BRAF: variants seen among roughly 807,000 people sequenced by gnomAD.
BRAF encodes serine/threonine-protein kinase B-raf.
A neutral mutation model predicts 104.6 loss-of-function variants in BRAF; 16 were observed. The ratio of observed to expected loss-of-function variants is 0.15; its 90% confidence interval spans 0.10 to 0.23. The LOEUF (loss-of-function observed/expected upper bound fraction) is 0.23, where lower values mean the gene tolerates loss of function less well. Among genes scored for constraint, BRAF ranks in the 10% least tolerant of loss-of-function variants. The pLI is 1.00. For missense variants in BRAF, 541 were observed against 937.3 expected, an observed-to-expected ratio of 0.58 and a Z score of 5.52; for synonymous variants, 310 against 341.6, an observed-to-expected ratio of 0.91 and a Z score of 1.02.
In BRAF at chr7:140,725,666, CTG is replaced by C. The variant is rs1795559363; in HGVS notation, c.*826_*827del. ...GAAGAGCATAGGAGGAAGATATAAACTGTATTTCCTGAGAATTTGCTACATTG... is the reference window on the plus strand; with the variant it reads ...GAAGAGCATAGGAGGAAGATATAAACTATTTCCTGAGAATTTGCTACATTG... On this transcript the variant is annotated 3_prime_UTR_variant, in exon 20 of 20. Transcript: ENST00000644969. 9.4e-7 allele frequency: 1 copy of C among 1,058,260 alleles called. No homozygotes were observed. Among genetic ancestry groups the C allele is most frequent in the African/African-American group, 1.7e-5 (1 of 60,482 alleles). The allele number at this position is 1,058,260 out of a possible 1,614,324, so 65.6% of individuals were successfully genotyped here. A position where few individuals can be genotyped will look rare whatever the true frequency, so the allele number is the denominator to read the frequency against.
At chr7:140,787,700 A>G (rs1220154653) in intron 8 of BRAF, 116 bp from the exon 9 acceptor site, 2 of 858,018 alleles carry the variant, frequency 2.3e-6, no homozygotes, top group Non-Finnish European at 3.8e-6. Context: ...AAAACAATAC[A>G]TCTTATAACT....
chr7:140,734,349 G>C, intron 19 of BRAF: 1 of 1,329,418 alleles, frequency 7.5e-7, no homozygotes, highest in Admixed American at 3.1e-5. Flanking sequence ...AGAAAGTAAA[G>C]CCTCTAGAAG....
In BRAF at chr7:140,888,554, A is replaced by G. The variant is rs542118456; in HGVS notation, c.138+36012T>C. 2.9e-4 allele frequency among the ~76,000 whole-genome samples: 44 copies of G among 152,288 alleles called. 1 individual carries two copies. In the Middle Eastern group the frequency reaches 0.01, roughly 35 times the overall value. ...TAATACAGGATAAAAACAATGATCT[A>G]GCGCGGGTGCAGTGGCTCACACCTG... is the stretch of plus-strand genomic sequence containing the variant. On this transcript the variant is annotated intron_variant, in intron 1 of 19. Coordinates refer to ENST00000644969, the MANE Select transcript of BRAF (RefSeq NM_001374258.1).
intron 16 of BRAF, among the ~76,000 whole-genome samples, chr7:140,751,563 G>C (rs1429932982): frequency 1.3e-5 from 2 of 152,064 alleles, no homozygotes; most frequent in African/African-American, 2.4e-5. Flanking sequence ...TAGAAAAAAG[G>C]GGCATTGGAA....
At chr7:140,919,676 G>T (rs564179348) in intron 1 of BRAF, among the ~76,000 whole-genome samples, 1 of 152,144 alleles carries the variant, frequency 6.6e-6, no homozygotes, top group Non-Finnish European at 1.5e-5. Flanking sequence ...GAAAGAAATG[G>T]AACAAATGAG....
chr7:140,716,132 T>C (rs555909620), downstream of BRAF, among the ~76,000 whole-genome samples: 1 of 152,338 alleles, frequency 6.6e-6, no homozygotes, highest in East Asian at 1.9e-4. Context: ...TTATTCTACA[T>C]ACTAAAGAAG....
intron 14 of BRAF, among the ~76,000 whole-genome samples, chr7:140,775,369 C>A (rs746478747): frequency 4.1e-5 from 6 of 145,768 alleles, no homozygotes; most frequent in African/African-American, 1.5e-4. Context: ...TTTTTTGAGA[C>A]GGAATTTTGC....
downstream of BRAF, among the ~76,000 whole-genome samples, chr7:140,715,564 A>G (rs1795113304): frequency 6.6e-6 from 1 of 152,230 alleles, no homozygotes; most frequent in Non-Finnish European, 1.5e-5. Context: ...TGCTTGATTT[A>G]AAAGATAACT....
At chr7:140,761,432 T>A (rs1266912233) in intron 14 of BRAF, among the ~76,000 whole-genome samples, 2 of 151,402 alleles carry the variant, frequency 1.3e-5, no homozygotes, top group Non-Finnish European at 2.9e-5. Flanking sequence ...CACTGCAAAA[T>A]CATGCCAAAA....
chr7:140,772,272 T>TACAACAACAACAACAACAACAACAACA (rs61337459), intron 14 of BRAF, among the ~76,000 whole-genome samples: 1 of 149,208 alleles, frequency 6.7e-6, no homozygotes, highest in African/African-American at 2.5e-5. Context: ...ATTGTTTAAC[T>TACAACAACAACAACAACAACAACAACA]ACAACAACAA....
intron 14 of BRAF, among the ~76,000 whole-genome samples, chr7:140,764,676 C>G (rs1799128246): frequency 6.6e-6 from 1 of 152,196 alleles, no homozygotes; most frequent in Admixed American, 6.5e-5. Flanking sequence ...AGAGCCAAAT[C>G]ATGAGTGAAC....
chr7:140,722,858 A>G lies in BRAF; in HGVS notation c.*3636T>C. The G allele has an allele frequency of 9.5e-7, 1 of 1,053,378 alleles. No individual in the cohort carries two copies. Among genetic ancestry groups the G allele is most frequent in the Non-Finnish European group, 1.1e-6 (1 of 871,776 alleles). 65.3% of individuals were successfully genotyped at this position (1,053,378 alleles called of 1,614,324 possible). On this transcript the variant is annotated 3_prime_UTR_variant, in exon 20 of 20. Transcript: ENST00000644969. Reference sequence around the variant, plus strand: ...GGTTAAGATTCTGAAACGTACCCCTAAACCGGTTCTGGCACCACTTTCAAC... The same window carrying G: ...GGTTAAGATTCTGAAACGTACCCCTGAACCGGTTCTGGCACCACTTTCAAC...
At chr7:140,883,826 T>C (rs1813215557) in intron 1 of BRAF, among the ~76,000 whole-genome samples, 1 of 152,232 alleles carries the variant, frequency 6.6e-6, no homozygotes, top group Admixed American at 6.5e-5. Flanking sequence ...ATGAATCAGG[T>C]CACATACATT....
rs371976102 is a variant in BRAF, at chr7:140,739,809, T to C, written c.2247+3A>G. The C allele has an allele frequency of 9.4e-5, 152 of 1,612,098 alleles. 1 individual carries two copies. In the African/African-American group the frequency reaches 1.6e-3, roughly 17 times the overall value. ...TTTTGGATAGCATGAAGCTTTTACT[T>C]ACTTGGGGAAAGAGTGGTCTCTCAT... is the stretch of plus-strand genomic sequence containing the variant. On this transcript the variant is annotated splice_donor_region_variant and intron_variant, in intron 18 of 19. Coordinates refer to ENST00000644969, the MANE Select transcript of BRAF (RefSeq NM_001374258.1).
At chr7:140,886,671 A>G (rs1368455503) in intron 1 of BRAF, among the ~76,000 whole-genome samples, 1 of 151,690 alleles carries the variant, frequency 6.6e-6, no homozygotes, top group Non-Finnish European at 1.5e-5. Flanking sequence ...TTTCCTCATC[A>G]CCCTTCTTCC....
In BRAF at chr7:140,726,349, A is replaced by C; in HGVS notation, c.*145T>G. On this transcript the variant is annotated 3_prime_UTR_variant, in exon 20 of 20. Coordinates refer to ENST00000644969, the MANE Select transcript of BRAF (RefSeq NM_001374258.1). ...TCTTTCCTCTTTTGTTGGATGGGAAATTCCATTCTGTTCCACATCAGCTTA... is the reference window on the plus strand; with the variant it reads ...TCTTTCCTCTTTTGTTGGATGGGAACTTCCATTCTGTTCCACATCAGCTTA... 6.9e-7 allele frequency: 1 copy of C among 1,447,034 alleles called. No individual in the cohort carries two copies. Among genetic ancestry groups the C allele is most frequent in the Non-Finnish European group, 9.0e-7 (1 of 1,106,996 alleles). 89.6% of individuals were successfully genotyped at this position (1,447,034 alleles called of 1,614,324 possible).
intron 14 of BRAF, among the ~76,000 whole-genome samples, chr7:140,755,764 C>T (rs1798151342): frequency 6.6e-6 from 1 of 151,744 alleles, no homozygotes; most frequent in Non-Finnish European, 1.5e-5. Flanking sequence ...CCAATCAAAG[C>T]TTTAAGATGG....
chr7:140,733,897 T>C, intron 19 of BRAF: 1 of 722,986 alleles, frequency 1.4e-6, no homozygotes, highest in Non-Finnish European at 1.7e-6. Context: ...AAAAAAGCTA[T>C]TTAAAAGAAA....
Sources: gnomAD v4.1 joint callset for allele counts (sites outside exome capture counted in the v4.1 genomes callset) on GRCh38, gnomAD v4.1.1 for gene constraint, MANE v1.5 for transcripts, NCBI Gene and HGNC (gene_info 2026-07-23, HGNC 2026-07-21) for gene names.